Variants in PDZRN4 observed in about 807,000 individuals in gnomAD.
PDZRN4 encodes PDZ domain containing ring finger 4, also known as PDZ domain-containing RING finger protein 4.
PDZRN4 carries 70 observed loss-of-function variants against 99.0 expected under a neutral mutation model. The observed-to-expected ratio is 0.71, with a 90% CI of 0.58 to 0.86. The LOEUF (loss-of-function observed/expected upper bound fraction) is 0.86, where lower values mean the gene tolerates loss of function less well. PDZRN4 is among the 40% of genes least tolerant of loss of function. The pLI, the probability that PDZRN4 is intolerant of heterozygous loss-of-function variation, is 0.00. For synonymous variants in PDZRN4, 551 were observed against 501.6 expected (o/e 1.10, Z -1.32); for missense variants, 1,474 against 1,331.2 (o/e 1.11, Z -1.67).
intron 3 of PDZRN4, among the ~76,000 whole-genome samples, chr12:41,435,527 G>A (rs759005882): frequency 6.6e-6 from 1 of 152,160 alleles, no homozygotes; most frequent in Non-Finnish European, 1.5e-5. Flanking sequence ...GTTGGCTCAC[G>A]CCTGTAATCC....
At chr12:41,473,837 G>A (rs1953016431) in intron 3 of PDZRN4, among the ~76,000 whole-genome samples, 3 of 152,130 alleles carry the variant, frequency 2.0e-5, no homozygotes, top group South Asian at 4.1e-4. Flanking sequence ...TATAAATATT[G>A]TGTAATAAAG....
At chr12:41,400,036 G>C (rs1366878616) in intron 3 of PDZRN4, among the ~76,000 whole-genome samples, 3 of 152,038 alleles carry the variant, frequency 2.0e-5, no homozygotes, top group African/African-American at 4.8e-5. Flanking sequence ...TTTTAAACTT[G>C]GGCTATTGTG....
intron 3 of PDZRN4, among the ~76,000 whole-genome samples, chr12:41,474,783 C>A (rs1026464): frequency 0.59 from 89,804 of 152,064 alleles, 29,036 homozygotes; most frequent in African/African-American, 0.88. Flanking sequence ...AACTGTGGGA[C>A]ATCCTACAAA....
intron 3 of PDZRN4, among the ~76,000 whole-genome samples, chr12:41,493,845 G>A (rs1376006179): frequency 2.0e-5 from 3 of 147,884 alleles, no homozygotes; most frequent in Non-Finnish European, 4.5e-5. Context: ...AAATTGGCAG[G>A]CACTAAGTCA....
At chr12:41,562,231 G>T (rs1263978578) in intron 7 of PDZRN4, among the ~76,000 whole-genome samples, 4 of 152,096 alleles carry the variant, frequency 2.6e-5, no homozygotes, top group African/African-American at 9.7e-5. Context: ...ATTATTGCCT[G>T]CTTTCCTTGC....
intron 5 of PDZRN4, among the ~76,000 whole-genome samples, chr12:41,546,274 G>A (rs1261692837): frequency 6.6e-6 from 1 of 152,156 alleles, no homozygotes; most frequent in Admixed American, 6.5e-5. Flanking sequence ...AAAGAGAACA[G>A]GGTAGTTGAG....
At chr12:41,529,324 C>G (rs114940633) in intron 5 of PDZRN4, among the ~76,000 whole-genome samples, 2 of 152,216 alleles carry the variant, frequency 1.3e-5, no homozygotes, top group Non-Finnish European at 2.9e-5. Flanking sequence ...CTGAAGGAAA[C>G]GTGTTTGCAC....
intron 3 of PDZRN4, among the ~76,000 whole-genome samples, chr12:41,302,958 ACACACT>A (rs1951546213): frequency 7.3e-6 from 1 of 136,950 alleles, no homozygotes; most frequent in African/African-American, 2.5e-5. Context: ...ACACACACAC[ACACACT>A]CACACACACA....
chr12:41,361,909 C>G (rs1013490552), intron 3 of PDZRN4, among the ~76,000 whole-genome samples: 3 of 151,954 alleles, frequency 2.0e-5, no homozygotes, highest in African/African-American at 7.2e-5. Flanking sequence ...TTTAATTGTA[C>G]TCGGGGCTGA....
chr12:41,533,574 CTAAG>C (rs1938699954), intron 5 of PDZRN4, among the ~76,000 whole-genome samples: 1 of 152,214 alleles, frequency 6.6e-6, no homozygotes, highest in South Asian at 2.1e-4. Context: ...ACCAGCTTCT[CTAAG>C]TATTTTGTGG....
chr12:41,267,249 C>T (rs1951284012), intron 3 of PDZRN4, among the ~76,000 whole-genome samples: 1 of 152,122 alleles, frequency 6.6e-6, no homozygotes, highest in Non-Finnish European at 1.5e-5. Context: ...ATACTTGGCA[C>T]ACATAGTGTA....
chr12:41,228,808 G>C (rs1951011958), intron 3 of PDZRN4, among the ~76,000 whole-genome samples: 1 of 152,028 alleles, frequency 6.6e-6, no homozygotes, highest in South Asian at 2.1e-4. Flanking sequence ...AAATTCAATA[G>C]TATATACAAT....
intron 3 of PDZRN4, among the ~76,000 whole-genome samples, chr12:41,294,616 T>C (rs1951478677): frequency 6.6e-6 from 1 of 152,122 alleles, no homozygotes; most frequent in Non-Finnish European, 1.5e-5. Flanking sequence ...TTTATTAAAA[T>C]AGAATAGATT....
intron 3 of PDZRN4, among the ~76,000 whole-genome samples, chr12:41,469,590 G>C (rs1952965396): frequency 6.6e-6 from 1 of 152,038 alleles, no homozygotes. Flanking sequence ...TTTCTTGCTA[G>C]CATTAGTGTG....
At chr12:41,426,020 G>A (rs1952533485) in intron 3 of PDZRN4, among the ~76,000 whole-genome samples, 1 of 152,070 alleles carries the variant, frequency 6.6e-6, no homozygotes, top group Admixed American at 6.6e-5. Context: ...AAGCACTTAG[G>A]GCATTTGAGA....
chr12:41,201,707 A>T (rs1265752194), intron 3 of PDZRN4, among the ~76,000 whole-genome samples: 1 of 152,094 alleles, frequency 6.6e-6, no homozygotes, highest in Non-Finnish European at 1.5e-5. Context: ...CTCCTGTAAC[A>T]TCCGATTCCT....
intron 3 of PDZRN4, among the ~76,000 whole-genome samples, chr12:41,283,587 A>C (rs1187866587): frequency 6.6e-6 from 1 of 152,174 alleles, no homozygotes; most frequent in Non-Finnish European, 1.5e-5. Context: ...TATCCGTGAT[A>C]AACATCAATG....
chr12:41,254,377 A>G (rs575817906), intron 3 of PDZRN4, among the ~76,000 whole-genome samples: 1 of 152,340 alleles, frequency 6.6e-6, no homozygotes, highest in East Asian at 1.9e-4. Flanking sequence ...TCAAAGTCAC[A>G]TGGCTAATAG....
intron 3 of PDZRN4, among the ~76,000 whole-genome samples, chr12:41,391,292 G>C (rs1247651595): frequency 6.6e-6 from 1 of 152,130 alleles, no homozygotes; most frequent in Non-Finnish European, 1.5e-5. Context: ...ACCCCAGAGA[G>C]CCAGCCTAAA....
Sources: allele counts gnomAD v4.1 joint callset (sites outside exome capture counted in the v4.1 genomes callset), GRCh38; gene constraint gnomAD v4.1.1; transcripts MANE v1.5; gene names NCBI Gene and HGNC (gene_info 2026-07-23, HGNC 2026-07-21).